PPP1R12B: variants seen among roughly 807,000 people sequenced by gnomAD.
The protein encoded by PPP1R12B is protein phosphatase 1 regulatory subunit 12B, also known as myosin phosphatase target subunit 2.
PPP1R12B carries 76 observed loss-of-function variants against 126.1 expected under a neutral mutation model. The observed-to-expected ratio is 0.60, with a 90% CI of 0.50 to 0.73. The LOEUF is 0.73. Ranked by LOEUF, PPP1R12B falls within the 30% of genes least tolerant of loss-of-function variation. The probability of loss-of-function intolerance (pLI) is 0.00; values close to 1 mark genes in which losing one functional copy is unlikely to be tolerated. For synonymous variants in PPP1R12B, 356 were observed against 434.7 expected (o/e 0.82, Z 2.25); for missense variants, 1,052 against 1,205.1 (o/e 0.87, Z 1.88).
At chr1:202,490,311 C>T (rs566390456) in intron 14 of PPP1R12B, among the ~76,000 whole-genome samples, 2 of 152,228 alleles carry the variant, frequency 1.3e-5, no homozygotes, top group African/African-American at 4.8e-5. Context: ...GGAAAAGAGA[C>T]ATTATATATG....
chr1:202,349,482 C>T (rs764063054), intron 1 of PPP1R12B, among the ~76,000 whole-genome samples: 1 of 152,150 alleles, frequency 6.6e-6, no homozygotes, highest in Non-Finnish European at 1.5e-5. Flanking sequence ...CTGCACACCG[C>T]GTCACTCATA....
rs1671501348 is a variant in PPP1R12B, at chr1:202,440,789, G to A, written c.1541+1G>A. 3 of 1,612,516 alleles carry A rather than the reference G, an allele frequency of 1.9e-6. No individual in the cohort carries two copies. The highest frequency in any genetic ancestry group is 1.3e-5 in the African/African-American group (1 of 75,010). On this transcript the variant is annotated splice_donor_variant, in intron 11 of 23. Transcript: ENST00000608999. LOFTEE classifies it high-confidence loss of function. Reference sequence around the variant, plus strand: ...GTGATATTGAAGAAAAGGAGAACAGGTAATCCTAAAACCAGCCAAAAGATG... The same window carrying A: ...GTGATATTGAAGAAAAGGAGAACAGATAATCCTAAAACCAGCCAAAAGATG...
At chr1:202,525,724 T>C (rs991282570) in intron 18 of PPP1R12B, among the ~76,000 whole-genome samples, 9 of 151,982 alleles carry the variant, frequency 5.9e-5, no homozygotes, top group African/African-American at 1.9e-4. Flanking sequence ...AGATGGAGTC[T>C]TGCTCTGTTG....
At chr1:202,475,325 A>C (rs1240016250) in intron 13 of PPP1R12B, among the ~76,000 whole-genome samples, 1 of 152,236 alleles carries the variant, frequency 6.6e-6, no homozygotes, top group Non-Finnish European at 1.5e-5. Context: ...TGGCAGTCTT[A>C]TAGCATGTTG....
chr1:202,468,070 T>A (rs2148779591), intron 13 of PPP1R12B, among the ~76,000 whole-genome samples: 1 of 152,350 alleles, frequency 6.6e-6, no homozygotes, highest in Non-Finnish European at 1.5e-5. Context: ...TTGATGGGGT[T>A]GTTTGTTTTT....
intron 1 of PPP1R12B, among the ~76,000 whole-genome samples, chr1:202,370,847 A>G (rs1660106312): frequency 6.6e-6 from 1 of 151,754 alleles, no homozygotes; most frequent in African/African-American, 2.4e-5. Context: ...TGAGAATGTA[A>G]AATCTTAGCT....
At chr1:202,569,962 G>A (rs1184990432) in intron 23 of PPP1R12B, among the ~76,000 whole-genome samples, 1 of 152,194 alleles carries the variant, frequency 6.6e-6, no homozygotes, top group Non-Finnish European at 1.5e-5. Flanking sequence ...GGAGGAGGGT[G>A]AAAGGGGCAA....
At chr1:202,570,792 G>A (rs1688519144) in intron 23 of PPP1R12B, among the ~76,000 whole-genome samples, 1 of 152,100 alleles carries the variant, frequency 6.6e-6, no homozygotes, top group Admixed American at 6.5e-5. Flanking sequence ...CGAATAGCTG[G>A]GACTACAGGC....
chr1:202,466,030 C>T (rs1674936078), intron 13 of PPP1R12B, among the ~76,000 whole-genome samples: 1 of 152,200 alleles, frequency 6.6e-6, no homozygotes, highest in Non-Finnish European at 1.5e-5. Flanking sequence ...TACAAAAATA[C>T]ACCTGCACAA....
chr1:202,425,063 A>G (rs1669325616), intron 3 of PPP1R12B, among the ~76,000 whole-genome samples: 1 of 152,210 alleles, frequency 6.6e-6, no homozygotes, highest in South Asian at 2.1e-4. Context: ...AATGACAGAG[A>G]GGGACCCAGG....
chr1:202,423,632 A>G (rs1202532688), intron 3 of PPP1R12B, among the ~76,000 whole-genome samples: 1 of 152,124 alleles, frequency 6.6e-6, no homozygotes, highest in Non-Finnish European at 1.5e-5. Flanking sequence ...GTCAGTAACT[A>G]CTTGCTTTTG....
chr1:202,569,248 C>A, intron 23 of PPP1R12B, 51 bp downstream of exon 23: 2 of 1,554,726 alleles, frequency 1.3e-6, no homozygotes, highest in South Asian at 1.1e-5. Context: ...GAATGCCTGC[C>A]AAGACTGGAT....
At chr1:202,503,886 G>A (rs1258718381) in intron 18 of PPP1R12B, among the ~76,000 whole-genome samples, 1 of 151,602 alleles carries the variant, frequency 6.6e-6, no homozygotes, top group Admixed American at 6.6e-5. Flanking sequence ...GGCATCTTCT[G>A]GTGTCTTTTG....
At chr1:202,448,938 G>A (rs1186553626) in intron 12 of PPP1R12B, 51 bp from the exon 13 acceptor site, 3 of 1,564,354 alleles carry the variant, frequency 1.9e-6, no homozygotes, top group Non-Finnish European at 2.6e-6. Flanking sequence ...GTGCTTTGTT[G>A]TATAGCATGC....
chr1:202,402,018 A>G (rs1446907209), intron 1 of PPP1R12B, among the ~76,000 whole-genome samples: 1 of 152,196 alleles, frequency 6.6e-6, no homozygotes, highest in African/African-American at 2.4e-5. Flanking sequence ...GTGCTCTGGG[A>G]GGCTGGGATT....
At chr1:202,500,736 C>G (rs568828277) in intron 18 of PPP1R12B, among the ~76,000 whole-genome samples, 1 of 152,150 alleles carries the variant, frequency 6.6e-6, no homozygotes, top group South Asian at 2.1e-4. Context: ...TTGAATGTTC[C>G]TAACATAAAT....
chr1:202,353,586 TTGTG>T (rs58683662), intron 1 of PPP1R12B, among the ~76,000 whole-genome samples: 3,013 of 120,774 alleles, frequency 0.025, 40 homozygotes, highest in African/African-American at 0.055. Flanking sequence ...TTCTTCTTCT[TTGTG>T]TGTGTGTGTG....
At chr1:202,427,669 G>C (rs577647915) in intron 5 of PPP1R12B, among the ~76,000 whole-genome samples, 2 of 152,240 alleles carry the variant, frequency 1.3e-5, no homozygotes, top group South Asian at 4.1e-4. Flanking sequence ...TTTTGAGACA[G>C]AGTCTCGCTC....
intron 1 of PPP1R12B, among the ~76,000 whole-genome samples, chr1:202,380,578 C>G (rs1662083570): frequency 6.6e-6 from 1 of 152,134 alleles, no homozygotes; most frequent in Admixed American, 6.6e-5. Flanking sequence ...GAGTAGAGCC[C>G]TGAAGCTTTA....
Sources: gnomAD v4.1 joint callset for allele counts (sites outside exome capture counted in the v4.1 genomes callset) on GRCh38, gnomAD v4.1.1 for gene constraint, MANE v1.5 for transcripts, NCBI Gene and HGNC (gene_info 2026-07-23, HGNC 2026-07-21) for gene names.